Variants in FBN2 observed in about 807,000 individuals in gnomAD.
The protein encoded by FBN2 is fibrillin 2.
FBN2 carries 105 observed loss-of-function variants against 355.6 expected under a neutral mutation model. That is an observed-to-expected ratio of 0.30 (90% CI 0.25 to 0.35). The LOEUF is 0.35. Among genes scored for constraint, FBN2 ranks in the 10% least tolerant of loss-of-function variants. The pLI, the probability that FBN2 is intolerant of heterozygous loss-of-function variation, is 1.00. For missense variants in FBN2, 3,280 were observed against 3,758.7 expected (o/e 0.87, Z 3.33); for synonymous variants, 1,350 against 1,301.2 (o/e 1.04, Z -0.81).
chr5:128,504,522 G>A lies in FBN2; in HGVS notation c.628+14751C>T, dbSNP rs139706955. ...CAGCATGACCTGGATGTGAGACATGGAGTCAAAAGGGATCATTATGGAGCT... is the reference window on the plus strand; with the variant it reads ...CAGCATGACCTGGATGTGAGACATGAAGTCAAAAGGGATCATTATGGAGCT... On this transcript the variant is annotated intron_variant, in intron 5 of 64. Transcript: ENST00000262464. Among the ~76,000 whole-genome samples, 1,001 of 152,288 alleles carry A rather than the reference G, an allele frequency of 6.6e-3. 6 individuals are homozygous for A. The highest frequency in any genetic ancestry group is 0.024 in the Middle Eastern group (7 of 294).
chr5:128,390,731 A>G (rs1271782263), intron 11 of FBN2, among the ~76,000 whole-genome samples: 1 of 152,244 alleles, frequency 6.6e-6, no homozygotes, highest in African/African-American at 2.4e-5. Flanking sequence ...TACTTGAAGA[A>G]TGACTGACAA....
intron 5 of FBN2, among the ~76,000 whole-genome samples, chr5:128,510,929 C>A (rs1249501332): frequency 6.6e-6 from 1 of 152,132 alleles, no homozygotes; most frequent in African/African-American, 2.4e-5. Flanking sequence ...ATCCTACTTT[C>A]TTATTAGCTG....
Position 128,512,314 on chromosome 5 carries a change from C to G in FBN2, c.628+6959G>C, listed in dbSNP as rs556949923. Reference sequence around the variant, plus strand: ...ATCACCTGAGGTCAGGAGTTTGAGACCAGCCTGGCCAACGTGGCAAAACCC... The same window carrying G: ...ATCACCTGAGGTCAGGAGTTTGAGAGCAGCCTGGCCAACGTGGCAAAACCC... On this transcript the variant is annotated intron_variant, in intron 5 of 64. Transcript: ENST00000262464. 9.2e-5 allele frequency among the ~76,000 whole-genome samples: 14 copies of G among 152,122 alleles called. No individual in the cohort carries two copies. In the South Asian group the frequency reaches 2.7e-3, roughly 29 times the overall value.
intron 26 of FBN2, among the ~76,000 whole-genome samples, 185 bp downstream of exon 26, chr5:128,338,748 T>G (rs1750912100): frequency 6.6e-6 from 1 of 151,946 alleles, no homozygotes; most frequent in Non-Finnish European, 1.5e-5. Flanking sequence ...CGCCAAGAGG[T>G]TGGGGCTCCC....
intron 5 of FBN2, 32 bp downstream of exon 5, chr5:128,519,241 T>C: frequency 6.9e-7 from 1 of 1,449,232 alleles, no homozygotes; most frequent in Non-Finnish European, 9.7e-7. Flanking sequence ...AATAGACTTC[T>C]TCAGAAAGTA....
At chr5:128,261,588 T>A (rs778039052) in intron 64 of FBN2, 148 bp downstream of exon 64, 3 of 746,610 alleles carry the variant, frequency 4.0e-6, no homozygotes, top group Non-Finnish European at 7.2e-6. Context: ...TTTAATTTAC[T>A]TGTCTTTTCC....
intron 31 of FBN2, among the ~76,000 whole-genome samples, chr5:128,334,065 A>G (rs1485804069): frequency 1.3e-5 from 2 of 152,032 alleles, no homozygotes; most frequent in Non-Finnish European, 2.9e-5. Flanking sequence ...CAAAACCTTG[A>G]CCCCGGCACA....
At chr5:128,411,499 C>T (rs533429703) in intron 7 of FBN2, among the ~76,000 whole-genome samples, 1 of 152,178 alleles carries the variant, frequency 6.6e-6, no homozygotes, top group Non-Finnish European at 1.5e-5. Context: ...AGCGGAACTC[C>T]TCTCTGACCG....
chr5:128,331,293 G>A lies in FBN2; in HGVS notation c.4223-598C>T, dbSNP rs144949221. On this transcript the variant is annotated intron_variant, in intron 32 of 64. Coordinates refer to ENST00000262464, the MANE Select transcript of FBN2 (RefSeq NM_001999.4). ...CATTGAGGAAGTAGTTTTTAGTTAA[G>A]GTCAGACCTGAGGATGAGAAACAAT... Among the ~76,000 whole-genome samples the A allele has an allele frequency of 4.5e-4, 69 of 152,274 alleles. 1 individual carries two copies. The highest frequency in any genetic ancestry group is 8.4e-4 in the Non-Finnish European group (57 of 68,026).
chr5:128,380,522 A>G (rs1752204102), intron 11 of FBN2, among the ~76,000 whole-genome samples: 1 of 152,144 alleles, frequency 6.6e-6, no homozygotes, highest in South Asian at 2.1e-4. Context: ...TCTGTCAGCT[A>G]TTTTGCCACT....
chr5:128,430,927 T>C (rs1753605720), intron 7 of FBN2, among the ~76,000 whole-genome samples: 1 of 152,150 alleles, frequency 6.6e-6, no homozygotes, highest in South Asian at 2.1e-4. Context: ...TAGCATGAAC[T>C]TCTTTTCAAG....
In FBN2 at chr5:128,311,228, CT is replaced by C. The variant is rs903767898; in HGVS notation, c.5074+71del. The C allele has an allele frequency of 2.6e-6, 4 of 1,550,492 alleles. No individual in the cohort carries two copies. In the African/African-American group the frequency reaches 5.4e-5, roughly 21 times the overall value. On this transcript the variant is annotated intron_variant, in intron 39 of 64. Transcript: ENST00000262464. ...CCTTTTGTAGAATGTGAGGATGGGC[CT>C]TTCCCTCAGGCCTCAGCAGCCATTT...
intron 25 of FBN2, among the ~76,000 whole-genome samples, chr5:128,342,875 T>G (rs974327045): frequency 6.6e-6 from 1 of 151,956 alleles, no homozygotes; most frequent in Admixed American, 6.6e-5. Context: ...ATTACAGGCA[T>G]GTACCACCAT....
Position 128,421,335 on chromosome 5 carries a change from G to T in FBN2, c.953-12536C>A, listed in dbSNP as rs534322137. Among the ~76,000 whole-genome samples the T allele has an allele frequency of 5.3e-5, 8 of 152,196 alleles. 1 individual carries two copies. Among genetic ancestry groups the T allele is most frequent in the African/African-American group, 1.9e-4 (8 of 41,534 alleles). On this transcript the variant is annotated intron_variant, in intron 7 of 64. Coordinates refer to ENST00000262464, the MANE Select transcript of FBN2 (RefSeq NM_001999.4). ...TGGGTCAGGGACAGCAGAGATGATG[G>T]CACAGTCTCAGTTCCAGCTAATGAA... is the stretch of plus-strand genomic sequence containing the variant.
At chr5:128,444,364 G>A (rs1037335077) in intron 7 of FBN2, among the ~76,000 whole-genome samples, 5 of 152,086 alleles carry the variant, frequency 3.3e-5, no homozygotes, top group Non-Finnish European at 7.4e-5. Context: ...GAGCCACCGC[G>A]CCCGGCCCAC....
intron 6 of FBN2, among the ~76,000 whole-genome samples, chr5:128,455,689 A>G (rs2127070800): frequency 6.6e-6 from 1 of 152,094 alleles, no homozygotes; most frequent in South Asian, 2.1e-4. Context: ...GGCCCACTTG[A>G]GAGCCACACG....
chr5:128,464,630 T>C, intron 6 of FBN2, 94 bp downstream of exon 6: 1 of 1,368,010 alleles, frequency 7.3e-7, no homozygotes, highest in Non-Finnish European at 1.0e-6. Context: ...CAGTATTCTG[T>C]TAAAAGCTAC....
At chr5:128,369,394 C>T in intron 15 of FBN2, 60 bp from the exon 16 acceptor site, 3 of 1,575,922 alleles carry the variant, frequency 1.9e-6, no homozygotes, top group Non-Finnish European at 2.6e-6. Context: ...GATTTCGAAA[C>T]AGAAGGCTTC....
intron 7 of FBN2, among the ~76,000 whole-genome samples, chr5:128,428,312 T>C (rs1163416113): frequency 6.6e-6 from 1 of 152,168 alleles, no homozygotes; most frequent in Non-Finnish European, 1.5e-5. Flanking sequence ...GCTCCCATCC[T>C]TGAGAATTCA....
Sources: gnomAD v4.1 joint callset for allele counts (sites outside exome capture counted in the v4.1 genomes callset) on GRCh38, gnomAD v4.1.1 for gene constraint, MANE v1.5 for transcripts, NCBI Gene and HGNC (gene_info 2026-07-23, HGNC 2026-07-21) for gene names.